CDA: variants seen among roughly 807,000 people sequenced by gnomAD.
The protein encoded by CDA is cytidine aminohydrolase.
In CDA, 7 loss-of-function variants were observed where a neutral mutation model predicts 15.0. That is an observed-to-expected ratio of 0.47 (90% confidence interval 0.26 to 0.87). CDA has a LOEUF of 0.87. Ranked by LOEUF, CDA falls within the 40% of genes least tolerant of loss-of-function variation. The pLI is 0.15. For missense variants in CDA, 159 were observed against 182.7 expected (o/e 0.87, Z 0.75); for synonymous variants, 58 against 73.0 (o/e 0.79, Z 1.05).
chr1:20,594,427 T>C (rs1020024330), intron 1 of CDA, among the ~76,000 whole-genome samples: 1 of 149,358 alleles, frequency 6.7e-6, no homozygotes, highest in African/African-American at 2.5e-5. Context: ...AAAGAGCTGC[T>C]AAGGGAAAAA....
intron 1 of CDA, among the ~76,000 whole-genome samples, chr1:20,594,780 C>T (rs377759834): frequency 7.6e-6 from 1 of 131,086 alleles, no homozygotes; most frequent in Admixed American, 7.6e-5. Flanking sequence ...CAGAGCGAGA[C>T]GCCATCTCAA....
At chr1:20,589,911 A>G (rs566634133) in intron 1 of CDA, among the ~76,000 whole-genome samples, 1 of 151,950 alleles carries the variant, frequency 6.6e-6, no homozygotes, top group African/African-American at 2.4e-5. Context: ...TCCAGCAGTG[A>G]GCAGCGCCCT....
At chr1:20,616,535 C>A (rs1306796280) in intron 3 of CDA, among the ~76,000 whole-genome samples, 1 of 152,066 alleles carries the variant, frequency 6.6e-6, no homozygotes, top group East Asian at 1.9e-4. Flanking sequence ...AGCTGCCCTG[C>A]ACGGTGGAAA....
At chr1:20,601,430 G>A (rs977567194) in intron 1 of CDA, among the ~76,000 whole-genome samples, 7 of 152,218 alleles carry the variant, frequency 4.6e-5, no homozygotes, top group Admixed American at 1.3e-4. Flanking sequence ...AAATGTAAGA[G>A]GTGTTAAGTT....
intron 1 of CDA, among the ~76,000 whole-genome samples, chr1:20,595,797 G>A (rs1161250731): frequency 2.2e-5 from 3 of 134,090 alleles, no homozygotes; most frequent in Non-Finnish European, 4.6e-5. Context: ...CCGTGAGCAC[G>A]CCACTGCACT....
chr1:20,604,900 A>C, intron 1 of CDA, 28 bp from the exon 2 acceptor site: 1 of 1,446,234 alleles, frequency 6.9e-7, no homozygotes, highest in Non-Finnish European at 9.7e-7. Flanking sequence ...TCTGCCAGAC[A>C]TACCACTGGA....
At chr1:20,608,600 G>A (rs2052716129) in intron 2 of CDA, among the ~76,000 whole-genome samples, 2 of 152,160 alleles carry the variant, frequency 1.3e-5, no homozygotes, top group African/African-American at 4.8e-5. Flanking sequence ...AGTAGAGACA[G>A]GGTTTCACCA....
At chr1:20,607,636 A>C (rs2052706088) in intron 2 of CDA, among the ~76,000 whole-genome samples, 2 of 152,324 alleles carry the variant, frequency 1.3e-5, no homozygotes, top group South Asian at 4.1e-4. Context: ...TTTTAAACAA[A>C]ACTAAGTATC....
intron 2 of CDA, among the ~76,000 whole-genome samples, chr1:20,610,300 A>ATTTT: frequency 7.8e-6 from 1 of 128,372 alleles, no homozygotes; most frequent in South Asian, 2.5e-4. Context: ...ATTTTTATTT[A>ATTTT]TTTATTTTTA....
intron 2 of CDA, among the ~76,000 whole-genome samples, chr1:20,612,444 C>T (rs1319016547): frequency 4.6e-5 from 7 of 151,996 alleles, no homozygotes; most frequent in African/African-American, 1.7e-4. Flanking sequence ...GATCTTGTGA[C>T]ATTCCACCCC....
intron 3 of CDA, among the ~76,000 whole-genome samples, chr1:20,614,178 C>T (rs1377503732): frequency 1.3e-5 from 2 of 152,158 alleles, no homozygotes; most frequent in African/African-American, 4.8e-5. Flanking sequence ...CAGGCCCTGC[C>T]CTCACAGAGC....
chr1:20,609,698 C>A (rs1277049861), intron 2 of CDA, among the ~76,000 whole-genome samples: 1 of 152,174 alleles, frequency 6.6e-6, no homozygotes, highest in Non-Finnish European at 1.5e-5. Context: ...TTGCTCCTTT[C>A]CCATGCCTGC....
At chr1:20,599,487 C>A (rs1487667018) in intron 1 of CDA, among the ~76,000 whole-genome samples, 1 of 151,694 alleles carries the variant, frequency 6.6e-6, no homozygotes, top group South Asian at 2.1e-4. Context: ...CGTGGTGGCA[C>A]GCACCTGTAG....
chr1:20,601,405 A>G (rs1206540777), intron 1 of CDA, among the ~76,000 whole-genome samples: 3 of 152,250 alleles, frequency 2.0e-5, no homozygotes, highest in African/African-American at 7.2e-5. Context: ...AGTAAGAGTC[A>G]TTCCTCAGGG....
At chr1:20,598,178 G>A (rs1001738966) in intron 1 of CDA, among the ~76,000 whole-genome samples, 5 of 152,208 alleles carry the variant, frequency 3.3e-5, no homozygotes, top group African/African-American at 9.6e-5. Flanking sequence ...ATGCAACAGT[G>A]TTGGGAGGTG....
At chr1:20,600,559 C>G (rs1249591232) in intron 1 of CDA, among the ~76,000 whole-genome samples, 1 of 152,002 alleles carries the variant, frequency 6.6e-6, no homozygotes, top group African/African-American at 2.4e-5. Context: ...AGTTCAAGAC[C>G]AGCCTGAACA....
intron 2 of CDA, among the ~76,000 whole-genome samples, chr1:20,611,459 C>A (rs1346334690): frequency 6.6e-6 from 1 of 152,194 alleles, no homozygotes; most frequent in African/African-American, 2.4e-5. Context: ...CGGCTTACTG[C>A]AACCCCCGCC....
At chr1:20,617,697 ATTT>A (rs147364706) in intron 3 of CDA, among the ~76,000 whole-genome samples, 28 of 144,066 alleles carry the variant, frequency 1.9e-4, no homozygotes, top group South Asian at 2.2e-4. Context: ...ATTTTATTTT[ATTT>A]TTTTTTTTTT....
At chr1:20,592,893 G>C (rs553733882) in intron 1 of CDA, among the ~76,000 whole-genome samples, 20 of 152,320 alleles carry the variant, frequency 1.3e-4, no homozygotes, top group African/African-American at 4.6e-4. Context: ...AGGAGTTCGA[G>C]ACCAGCCTGG....
Sources: allele counts gnomAD v4.1 joint callset (sites outside exome capture counted in the v4.1 genomes callset), GRCh38; gene constraint gnomAD v4.1.1; transcripts MANE v1.5; gene names NCBI Gene and HGNC (gene_info 2026-07-23, HGNC 2026-07-21).